The following WDPCP variants were observed in gnomAD, a reference collection of about 807,000 sequenced individuals.
WDPCP encodes the protein WD repeat-containing and planar cell polarity effector protein fritz homolog.
In WDPCP, 71 loss-of-function variants were observed where a neutral mutation model predicts 93.1. The ratio of observed to expected loss-of-function variants is 0.76; its 90% CI spans 0.63 to 0.93. WDPCP has a LOEUF of 0.93. WDPCP is among the 40% of genes least tolerant of loss of function. The pLI, the probability that WDPCP is intolerant of heterozygous loss-of-function variation, is 0.00. For missense variants in WDPCP, 844 were observed against 887.4 expected, an observed-to-expected ratio of 0.95 and a Z score of 0.62; for synonymous variants, 315 against 315.0, an observed-to-expected ratio of 1.00 and a Z score of 0.00.
upstream of WDPCP, among the ~76,000 whole-genome samples, chr2:63,828,493 T>C (rs959708550): frequency 2.6e-5 from 4 of 152,184 alleles, no homozygotes; most frequent in African/African-American, 4.8e-5. Flanking sequence ...GTTTTACTCA[T>C]TGCTATATAC....
intron 12 of WDPCP, among the ~76,000 whole-genome samples, chr2:63,322,909 G>A (rs1319143475): frequency 4.6e-5 from 7 of 152,164 alleles, no homozygotes; most frequent in South Asian, 2.1e-4. Flanking sequence ...GGCACCTGTC[G>A]GCCAGTTAAA....
intron 2 of WDPCP, among the ~76,000 whole-genome samples, chr2:63,771,992 G>A (rs1001852919): frequency 6.6e-6 from 1 of 151,972 alleles, no homozygotes; most frequent in Non-Finnish European, 1.5e-5. Flanking sequence ...ATTGTGAATA[G>A]TGCTGCGATG....
chr2:63,520,322 T>C (rs1179195687), intron 1 of WDPCP, among the ~76,000 whole-genome samples: 2 of 152,160 alleles, frequency 1.3e-5, no homozygotes, highest in African/African-American at 2.4e-5. Flanking sequence ...TTTCAAGATA[T>C]CATCCATGAA....
chr2:63,176,364 G>C (rs1673803210), intron 14 of WDPCP, among the ~76,000 whole-genome samples: 1 of 151,962 alleles, frequency 6.6e-6, no homozygotes, highest in South Asian at 2.1e-4. Context: ...TCCCACCTCA[G>C]CCCTCTTGAG....
chr2:63,156,475 C>T (rs965530313), intron 15 of WDPCP, among the ~76,000 whole-genome samples: 1 of 152,098 alleles, frequency 6.6e-6, no homozygotes, highest in African/African-American at 2.4e-5. Flanking sequence ...GTGGCTCATG[C>T]CTGTAATCCC....
intron 1 of WDPCP, among the ~76,000 whole-genome samples, chr2:63,576,419 A>G (rs932934020): frequency 6.6e-6 from 1 of 152,232 alleles, no homozygotes; most frequent in Non-Finnish European, 1.5e-5. Context: ...GGTTACTACA[A>G]AGGATACAGA....
intron 2 of WDPCP, among the ~76,000 whole-genome samples, chr2:63,669,368 AT>A (rs890389398): frequency 0.027 from 762 of 28,106 alleles, 7 homozygotes; most frequent in South Asian, 0.13. Context: ...ATTTTATTTT[AT>A]TTTTTTTTGA....
At chr2:63,142,107 T>C (rs1012732049) in intron 17 of WDPCP, among the ~76,000 whole-genome samples, 2 of 152,232 alleles carry the variant, frequency 1.3e-5, no homozygotes, top group African/African-American at 4.8e-5. Context: ...ATTTATCTTT[T>C]GTATTTTTTG....
At chr2:63,328,450 C>T (rs938033120) in intron 12 of WDPCP, among the ~76,000 whole-genome samples, 10 of 152,138 alleles carry the variant, frequency 6.6e-5, no homozygotes, top group Admixed American at 2.0e-4. Context: ...CGCGAGACCA[C>T]AAATCCACCG....
At chr2:63,438,152 G>T in intron 7 of WDPCP, 1 of 457,846 alleles carries the variant, frequency 2.2e-6, no homozygotes. Context: ...ACACAAGTAG[G>T]TAAATAACTA....
At chr2:63,222,039 A>AAGAT (rs1278533104) in intron 14 of WDPCP, among the ~76,000 whole-genome samples, 1 of 152,164 alleles carries the variant, frequency 6.6e-6, no homozygotes, top group Non-Finnish European at 1.5e-5. Flanking sequence ...CAGGCTCTCA[A>AAGAT]AGATACAATT....
At chr2:63,637,459 A>G (rs1261203347) in intron 3 of WDPCP, among the ~76,000 whole-genome samples, 2 of 151,684 alleles carry the variant, frequency 1.3e-5, no homozygotes, top group East Asian at 3.9e-4. Context: ...CAAACTAAAC[A>G]ATCAACAAAA....
chr2:63,688,221 T>G (rs928560513), intron 2 of WDPCP, among the ~76,000 whole-genome samples: 60 of 152,126 alleles, frequency 3.9e-4, no homozygotes, highest in African/African-American at 1.3e-3. Context: ...GGTCAGGAGA[T>G]CGAGACCAGC....
At position 63,550,294 on chromosome 2, in the gene WDPCP, G is replaced by C. The variant is rs540286326; in HGVS notation, c.75+37903C>G. Among the ~76,000 whole-genome samples the C allele has an allele frequency of 3.3e-5, 5 of 150,764 alleles. No homozygotes were observed. In the South Asian group the frequency reaches 8.4e-4, roughly 25 times the overall value. On this transcript the variant is annotated intron_variant, in intron 1 of 17. Transcript: ENST00000272321. Reference sequence around the variant, plus strand: ...CTCCTTGGTTTAAAAACCAAGTCTTGAAAGAGTTTTCTTCATGTATTCACA... The same window carrying C: ...CTCCTTGGTTTAAAAACCAAGTCTTCAAAGAGTTTTCTTCATGTATTCACA...
chr2:63,425,105 A>C (rs1696169734), intron 9 of WDPCP, among the ~76,000 whole-genome samples: 1 of 152,256 alleles, frequency 6.6e-6, no homozygotes, highest in Admixed American at 6.5e-5. Context: ...ATCTAGCCAC[A>C]CATGAAGATC....
At chr2:63,436,558 T>C (rs1242595463) in intron 8 of WDPCP, among the ~76,000 whole-genome samples, 1 of 152,112 alleles carries the variant, frequency 6.6e-6, no homozygotes, top group Non-Finnish European at 1.5e-5. Context: ...CTCAAACTCT[T>C]TGCTCTTGCT....
chr2:63,628,042 C>T (rs765667462), intron 3 of WDPCP, among the ~76,000 whole-genome samples: 4 of 152,330 alleles, frequency 2.6e-5, no homozygotes, highest in Non-Finnish European at 5.9e-5. Flanking sequence ...CAGACTGGAT[C>T]CTGCCGCGAG....
intron 6 of WDPCP, among the ~76,000 whole-genome samples, chr2:63,452,549 A>G (rs1024956254): frequency 1.3e-5 from 2 of 152,196 alleles, no homozygotes; most frequent in African/African-American, 4.8e-5. Context: ...TGCCATCCCC[A>G]TCAAGCTACC....
chr2:63,564,502 C>G (rs745513194), intron 1 of WDPCP: 1 of 152,122 alleles, frequency 6.6e-6, no homozygotes, highest in Non-Finnish European at 1.5e-5. Flanking sequence ...AATTCAATGT[C>G]TGTGGGGAAC....
Sources: allele counts gnomAD v4.1 joint callset (sites outside exome capture counted in the v4.1 genomes callset), GRCh38; gene constraint gnomAD v4.1.1; transcripts MANE v1.5; gene names NCBI Gene and HGNC (gene_info 2026-07-23, HGNC 2026-07-21).